NPAS3: variants seen among roughly 807,000 people sequenced by gnomAD.
The protein encoded by NPAS3 is neuronal PAS domain-containing protein 3.
A neutral mutation model predicts 73.1 loss-of-function variants in NPAS3; 14 were observed. The observed-to-expected ratio is 0.19, with a 90% confidence interval of 0.13 to 0.30. The LOEUF is 0.30. Among genes scored for constraint, NPAS3 ranks in the 10% least tolerant of loss-of-function variants. The probability of loss-of-function intolerance (pLI) is 1.00; values close to 1 mark genes in which losing one functional copy is unlikely to be tolerated. For synonymous variants in NPAS3, 620 were observed against 541.5 expected (o/e 1.14, Z -2.01); for missense variants, 1,096 against 1,250.0 (o/e 0.88, Z 1.86).
At chr14:33,584,997 T>A (rs919813420) in intron 5 of NPAS3, among the ~76,000 whole-genome samples, 3 of 152,040 alleles carry the variant, frequency 2.0e-5, no homozygotes, top group Non-Finnish European at 4.4e-5. Flanking sequence ...TGTAAAAAGG[T>A]GTTCCAGAAG....
intron 6 of NPAS3, among the ~76,000 whole-genome samples, chr14:33,692,484 G>A (rs763063002): frequency 3.3e-5 from 5 of 152,026 alleles, no homozygotes; most frequent in Non-Finnish European, 4.4e-5. Flanking sequence ...AAACTATTGA[G>A]TTATTCATTT....
At chr14:33,692,163 CCCA>C (rs1656911011) in intron 6 of NPAS3, among the ~76,000 whole-genome samples, 1 of 152,036 alleles carries the variant, frequency 6.6e-6, no homozygotes, top group African/African-American at 2.4e-5. Context: ...CAGGCAATGC[CCCA>C]CAAGTATTGC....
At chr14:33,747,151 C>T (rs1024262909) in intron 7 of NPAS3, among the ~76,000 whole-genome samples, 3 of 151,840 alleles carry the variant, frequency 2.0e-5, no homozygotes, top group African/African-American at 7.3e-5. Flanking sequence ...ATGTTTACTG[C>T]AGCATTATTC....
intron 4 of NPAS3, among the ~76,000 whole-genome samples, chr14:33,515,136 CATGT>C (rs2140046448): frequency 6.6e-6 from 1 of 152,186 alleles, no homozygotes; most frequent in East Asian, 1.9e-4. Context: ...CTGTAACATG[CATGT>C]GTGTGCACAC....
intron 3 of NPAS3, among the ~76,000 whole-genome samples, chr14:33,294,358 C>T (rs1274929853): frequency 1.3e-5 from 2 of 152,030 alleles, no homozygotes; most frequent in Non-Finnish European, 2.9e-5. Flanking sequence ...TTTTTTTGAC[C>T]TAATTTTACT....
At chr14:33,719,634 T>C (rs1321214193) in intron 6 of NPAS3, among the ~76,000 whole-genome samples, 1 of 152,140 alleles carries the variant, frequency 6.6e-6, no homozygotes, top group Non-Finnish European at 1.5e-5. Context: ...TTAAGGAGAT[T>C]AAAACAAAAT....
At chr14:33,675,747 T>C (rs2059743819) in intron 5 of NPAS3, among the ~76,000 whole-genome samples, 1 of 152,202 alleles carries the variant, frequency 6.6e-6, no homozygotes, top group South Asian at 2.1e-4. Context: ...AAACACATCT[T>C]GGAAATCTGT....
chr14:33,154,578 A>G (rs1289599355), intron 2 of NPAS3, among the ~76,000 whole-genome samples: 1 of 152,220 alleles, frequency 6.6e-6, no homozygotes, highest in East Asian at 1.9e-4. Context: ...GAAGCCTTTT[A>G]CAGATTTAAA....
intron 5 of NPAS3, among the ~76,000 whole-genome samples, chr14:33,652,869 CCTTG>C (rs1277434980): frequency 6.6e-6 from 1 of 152,116 alleles, no homozygotes; most frequent in African/African-American, 2.4e-5. Context: ...GACATCATCC[CCTTG>C]CTTGCTGTAT....
intron 1 of NPAS3, among the ~76,000 whole-genome samples, chr14:32,983,800 C>T (rs1193660845): frequency 6.6e-6 from 1 of 152,088 alleles, no homozygotes; most frequent in Non-Finnish European, 1.5e-5. Flanking sequence ...TGGCTCATTG[C>T]AACTTCCACC....
At chr14:33,100,991 A>G (rs1442457457) in intron 2 of NPAS3, among the ~76,000 whole-genome samples, 1 of 152,118 alleles carries the variant, frequency 6.6e-6, no homozygotes, top group Non-Finnish European at 1.5e-5. Flanking sequence ...TGGATCCTTT[A>G]TTACATTTGA....
intron 2 of NPAS3, among the ~76,000 whole-genome samples, chr14:33,144,416 C>G (rs990957771): frequency 2.0e-5 from 3 of 152,212 alleles, no homozygotes; most frequent in Non-Finnish European, 2.9e-5. Context: ...TTTTGATATA[C>G]TTTTGTAACG....
At chr14:33,196,036 A>G (rs1318535917) in intron 2 of NPAS3, among the ~76,000 whole-genome samples, 1 of 152,242 alleles carries the variant, frequency 6.6e-6, no homozygotes, top group Non-Finnish European at 1.5e-5. Context: ...TTTAAGGTGA[A>G]GAAACACAGA....
intron 1 of NPAS3, among the ~76,000 whole-genome samples, chr14:32,985,989 G>C (rs1208182312): frequency 6.6e-6 from 1 of 152,130 alleles, no homozygotes; most frequent in Non-Finnish European, 1.5e-5. Flanking sequence ...TAAGGACATG[G>C]GGCTGCAGCC....
At chr14:33,400,164 T>G (rs2047389898) in intron 4 of NPAS3, among the ~76,000 whole-genome samples, 1 of 152,178 alleles carries the variant, frequency 6.6e-6, no homozygotes, top group Non-Finnish European at 1.5e-5. Flanking sequence ...TCCTTACATT[T>G]TTAAAGATGC....
intron 2 of NPAS3, among the ~76,000 whole-genome samples, chr14:33,198,734 C>T (rs754509305): frequency 3.9e-5 from 6 of 152,206 alleles, no homozygotes; most frequent in South Asian, 2.1e-4. Context: ...CTGCGCCATT[C>T]GCCTGCACTC....
At chr14:33,603,663 A>G (rs746938679) in intron 5 of NPAS3, among the ~76,000 whole-genome samples, 1 of 152,198 alleles carries the variant, frequency 6.6e-6, no homozygotes, top group Non-Finnish European at 1.5e-5. Context: ...GAAAACACTG[A>G]AAGAAAAACA....
chr14:33,150,466 T>C (rs943153402), intron 2 of NPAS3, among the ~76,000 whole-genome samples: 1 of 152,238 alleles, frequency 6.6e-6, no homozygotes, highest in Non-Finnish European at 1.5e-5. Context: ...ATTGTTTTTA[T>C]TATGAAATAA....
At chr14:33,255,923 C>T (rs2048764129) in intron 3 of NPAS3, among the ~76,000 whole-genome samples, 1 of 152,076 alleles carries the variant, frequency 6.6e-6, no homozygotes. Flanking sequence ...AAAATGATGA[C>T]CTCAAAGAGA....
Sources: gnomAD v4.1 joint callset for allele counts (sites outside exome capture counted in the v4.1 genomes callset) on GRCh38, gnomAD v4.1.1 for gene constraint, MANE v1.5 for transcripts, NCBI Gene and HGNC (gene_info 2026-07-23, HGNC 2026-07-21) for gene names.